The following ALDH5A1 variants were observed in gnomAD, a reference collection of about 807,000 sequenced individuals.
ALDH5A1 encodes the protein aldehyde dehydrogenase 5 family member A1, also known as succinate-semialdehyde dehydrogenase, mitochondrial.
A neutral mutation model predicts 54.7 loss-of-function variants in ALDH5A1; 33 were observed. The ratio of observed to expected loss-of-function variants is 0.60; its 90% CI spans 0.46 to 0.81. ALDH5A1 has a LOEUF of 0.81. ALDH5A1 is among the 30% of genes least tolerant of loss of function. The pLI is 0.00. For missense variants in ALDH5A1, 657 were observed against 711.0 expected, an observed-to-expected ratio of 0.92 and a Z score of 0.86; for synonymous variants, 294 against 292.7, an observed-to-expected ratio of 1.00 and a Z score of -0.05.
At chr6:24,522,477 TC>T (rs1759709487) in intron 6 of ALDH5A1, among the ~76,000 whole-genome samples, 1 of 42,550 alleles carries the variant, frequency 2.4e-5, no homozygotes, top group South Asian at 8.1e-4. Context: ...TTCTTTTCTT[TC>T]GTGTGTGTGT....
intron 9 of ALDH5A1, 99 bp downstream of exon 9, chr6:24,532,276 A>T (rs1759951258): frequency 2.5e-6 from 3 of 1,195,804 alleles, no homozygotes; most frequent in Non-Finnish European, 3.7e-6. Context: ...TGAGACAGAA[A>T]CTTCAATGAG....
intron 5 of ALDH5A1, among the ~76,000 whole-genome samples, chr6:24,517,550 AT>A (rs1759598761): frequency 6.6e-6 from 1 of 152,202 alleles, no homozygotes; most frequent in South Asian, 2.1e-4. Context: ...AGCGTTGTAA[AT>A]CCTTCTCATT....
chr6:24,495,777 A>T (rs2127379411), intron 1 of ALDH5A1, among the ~76,000 whole-genome samples: 1 of 152,336 alleles, frequency 6.6e-6, no homozygotes, highest in African/African-American at 2.4e-5. Context: ...AGGCTGCTTC[A>T]GCGGCCCTTG....
intron 2 of ALDH5A1, 96 bp downstream of exon 2, chr6:24,502,702 G>A (rs960956171): frequency 3.5e-6 from 3 of 867,352 alleles, no homozygotes; most frequent in African/African-American, 1.7e-5. Flanking sequence ...ACTGCTGGCT[G>A]TAGCTGAAGA....
At chr6:24,526,161 T>C (rs1175584422) in intron 7 of ALDH5A1, among the ~76,000 whole-genome samples, 3 of 152,254 alleles carry the variant, frequency 2.0e-5, no homozygotes, top group Middle Eastern at 6.8e-3. Context: ...TCCTTGTGTG[T>C]GTGTGTGTCC....
At chr6:24,521,877 T>G (rs1416232698) in intron 6 of ALDH5A1, among the ~76,000 whole-genome samples, 1 of 133,292 alleles carries the variant, frequency 7.5e-6, no homozygotes, top group African/African-American at 2.6e-5. Context: ...TTTTTTTTTT[T>G]TTTTTGTGTG....
rs1172032421 is a variant in ALDH5A1 at position 24,502,507 on chromosome 6, G to A, written c.355-16G>A. On this transcript the variant is annotated splice_polypyrimidine_tract_variant and intron_variant, in intron 1 of 9. Transcript: ENST00000357578. ...TGGCATTTTATTACTTTTCTGCCTT[G>A]TTATTTCTTTTGCAGGAGAGGAGTT... The A allele has an allele frequency of 6.3e-7, 1 of 1,583,738 alleles. No homozygotes were observed. Among genetic ancestry groups the A allele is most frequent in the African/African-American group, 1.3e-5 (1 of 74,246 alleles).
At chr6:24,512,897 C>T (rs374330544) in intron 4 of ALDH5A1, among the ~76,000 whole-genome samples, 1 of 152,036 alleles carries the variant, frequency 6.6e-6, no homozygotes. Flanking sequence ...GCCATGTTGG[C>T]CAGGCTGGTC....
intron 7 of ALDH5A1, among the ~76,000 whole-genome samples, chr6:24,526,861 A>C (rs1246772108): frequency 1.6e-5 from 2 of 126,492 alleles, no homozygotes; most frequent in African/African-American, 3.8e-5. Flanking sequence ...TATATATTCT[A>C]TATATATATA....
At chr6:24,503,995 A>G (rs1051906637) in intron 3 of ALDH5A1, among the ~76,000 whole-genome samples, 2 of 152,126 alleles carry the variant, frequency 1.3e-5, no homozygotes, top group African/African-American at 4.8e-5. Context: ...GCCTTCTACT[A>G]GGTCCCATAT....
At chr6:24,507,562 G>A (rs1324850450) in intron 4 of ALDH5A1, among the ~76,000 whole-genome samples, 2 of 151,834 alleles carry the variant, frequency 1.3e-5, no homozygotes, top group East Asian at 3.9e-4. Context: ...GGTATGCAGT[G>A]TGCTCTTTCA....
At chr6:24,501,278 T>C (rs919493485) in intron 1 of ALDH5A1, among the ~76,000 whole-genome samples, 1 of 152,238 alleles carries the variant, frequency 6.6e-6, no homozygotes, top group African/African-American at 2.4e-5. Context: ...TTGTTACCTC[T>C]TGTAGGGTCT....
At chr6:24,512,781 C>T (rs1393075869) in intron 4 of ALDH5A1, among the ~76,000 whole-genome samples, 1 of 152,178 alleles carries the variant, frequency 6.6e-6, no homozygotes, top group Admixed American at 6.5e-5. Flanking sequence ...TCTCCGCCTC[C>T]CTGGTTCAAG....
Position 24,503,416 on chromosome 6 carries a change from G to A in ALDH5A1, c.592G>A (p.Ala198Thr), listed in dbSNP as rs1478080559. Residue 198 changes from alanine (A) to threonine (T), a missense_variant, in exon 3 of 10, where the codon GCT becomes ACT. Physicochemically the swap from Ala to Thr is moderately conservative, Grantham distance 58 (BLOSUM62 0). Transcript: ENST00000357578. Reference sequence around the variant, plus strand: ...GGTCCTCAAGCAGCCCATAGGCGTGGCTGCAGTCATCACCCCGGTAGGTGA... The same window carrying A: ...GGTCCTCAAGCAGCCCATAGGCGTGACTGCAGTCATCACCCCGGTAGGTGA... Reference protein sequence around the residue: ...ALVLKQPIGVAAVITPWNFPS... With the variant: ...ALVLKQPIGVTAVITPWNFPS... 1.2e-6 allele frequency: 2 copies of A among 1,613,030 alleles called. No homozygotes were observed. The highest frequency in any genetic ancestry group is 1.7e-6 in the Non-Finnish European group (2 of 1,179,944).
chr6:24,518,330 A>G lies in ALDH5A1; in HGVS notation c.871-2071A>G, dbSNP rs146449874. Among the ~76,000 whole-genome samples the G allele has an allele frequency of 1.3e-5, 2 of 152,342 alleles. No individual in the cohort carries two copies. Among genetic ancestry groups the G allele is most frequent in the East Asian group, 3.9e-4 (2 of 5,190 alleles). On this transcript the variant is annotated intron_variant, in intron 5 of 9. Coordinates refer to ENST00000357578, the MANE Select transcript of ALDH5A1 (RefSeq NM_001080.3). This position sits in a 1 kb window ranked among gnomAD's most constrained non-coding sequence, Gnocchi z 4.2. ...GGGAAAAGATTCATTAAGACATGAC[A>G]GGAGTTTACACTATACCCAGTGGCC...
rs1759310861 is a variant in ALDH5A1, at chr6:24,505,002, G to T, written c.726+17G>T. On this transcript the variant is annotated intron_variant, in intron 4 of 9. Transcript: ENST00000357578. ...CTGGCTGAGGTGAGCCGCTCTCCCT[G>T]TGTTTGTACAAAGCAGACAAAGTTC... is the stretch of plus-strand genomic sequence containing the variant. 1.9e-6 allele frequency: 3 copies of T among 1,611,476 alleles called. No individual in the cohort carries two copies. The African/African-American group carries it at 4.0e-5, about 21-fold the overall frequency.
intron 6 of ALDH5A1, 83 bp downstream of exon 6, chr6:24,520,627 CATGT>C (rs939056874): frequency 1.9e-6 from 3 of 1,555,454 alleles, no homozygotes; most frequent in East Asian, 2.3e-5. Flanking sequence ...GATATGTGTG[CATGT>C]GAGTGTGTGT....
At chr6:24,520,662 T>C in intron 6 of ALDH5A1, 118 bp downstream of exon 6, 3 of 1,433,110 alleles carry the variant, frequency 2.1e-6, no homozygotes, top group Non-Finnish European at 2.9e-6. Context: ...GTGTGTGTGT[T>C]ACAAAGATCC....
intron 4 of ALDH5A1, among the ~76,000 whole-genome samples, chr6:24,511,539 T>C (rs992188937): frequency 1.3e-5 from 2 of 152,122 alleles, no homozygotes; most frequent in African/African-American, 4.8e-5. Context: ...TTCTTTGTCT[T>C]TGTTGATTGG....
Sources: gnomAD v4.1 joint callset for allele counts (sites outside exome capture counted in the v4.1 genomes callset) on GRCh38, gnomAD v4.1.1 for gene constraint, Gnocchi (gnomAD v3.1) non-coding constraint, MANE v1.5 for transcripts, NCBI Gene and HGNC (gene_info 2026-07-23, HGNC 2026-07-21) for gene names.